The following MYO5A variants were observed in gnomAD, a reference collection of about 807,000 sequenced individuals.
MYO5A encodes the protein unconventional myosin-Va.
In MYO5A, 98 loss-of-function variants were observed where a neutral mutation model predicts 249.7. That is an observed-to-expected ratio of 0.39 (90% CI 0.33 to 0.46). The LOEUF is 0.46. Among genes scored for constraint, MYO5A ranks in the 20% least tolerant of loss-of-function variants. MYO5A has a pLI of 0.98. For missense variants in MYO5A, 1,696 were observed against 2,308.8 expected (o/e 0.73, Z 5.44); for synonymous variants, 778 against 810.6 (o/e 0.96, Z 0.68).
intron 1 of MYO5A, among the ~76,000 whole-genome samples, chr15:52,511,287 T>G (rs2077384696): frequency 6.6e-6 from 1 of 152,230 alleles, no homozygotes; most frequent in African/African-American, 2.4e-5. Context: ...AATTACGGAA[T>G]CTGCAAACCA....
chr15:52,323,253 G>C (rs2038418323), intron 37 of MYO5A, 102 bp downstream of exon 37: 23 of 977,374 alleles, frequency 2.4e-5, no homozygotes, highest in Middle Eastern at 2.2e-4. Flanking sequence ...TCTGAATTTG[G>C]GTTCCTAAAT....
At chr15:52,485,427 T>C (rs2076799999) in intron 1 of MYO5A, among the ~76,000 whole-genome samples, 1 of 152,176 alleles carries the variant, frequency 6.6e-6, no homozygotes, top group Non-Finnish European at 1.5e-5. Flanking sequence ...TCACATGAGT[T>C]AAGTAGCCTA....
At chr15:52,376,017 T>C (rs2141106695) in intron 19 of MYO5A, among the ~76,000 whole-genome samples, 1 of 152,364 alleles carries the variant, frequency 6.6e-6, no homozygotes, top group South Asian at 2.1e-4. Context: ...CTCCCAAAAA[T>C]TATACAATGA....
chr15:52,370,343 T>C lies in MYO5A; in HGVS notation c.2892A>G (p.Leu964=), dbSNP rs1429687495. Residue 964 remains leucine, a synonymous_variant, in exon 22 of 42, where the codon CTA becomes CTG. Coordinates refer to ENST00000399233, the MANE Select transcript of MYO5A (RefSeq NM_001382347.1). ...GTTGAAGACGTTCTAAGTCACTTCGTAGTTTCTCAGTCTCAGAGTTGTATA... is the reference window on the plus strand; with the variant it reads ...GTTGAAGACGTTCTAAGTCACTTCGCAGTTTCTCAGTCTCAGAGTTGTATA... ...EGIYNSETEK[L]RSDLERLQLS... 2 of 1,614,080 alleles carry C rather than the reference T, an allele frequency of 1.2e-6. No homozygotes were observed. The highest frequency in any genetic ancestry group is 1.7e-6 in the Non-Finnish European group (2 of 1,180,022).
Position 52,354,319 on chromosome 15 carries a change from C to T in MYO5A, c.3424-305G>A, listed in dbSNP as rs9920749. ...AGTAAAAGTAGGCCTTTGAAACGGG[C>T]AATTTTGCCGAACTTACTAAAATTT... On this transcript the variant is annotated intron_variant, in intron 25 of 41. Coordinates refer to ENST00000399233, the MANE Select transcript of MYO5A (RefSeq NM_001382347.1). Among the ~76,000 whole-genome samples, 8,029 of 152,182 alleles carry T rather than the reference C, an allele frequency of 0.053. 607 individuals are homozygous for T. The highest frequency in any genetic ancestry group is 0.17 in the African/African-American group (7,116 of 41,486).
Position 52,367,055 on chromosome 15 carries a change from C to T in MYO5A, c.3136G>A (p.Val1046Met), listed in dbSNP as rs56132571. Reference sequence around the variant, plus strand: ...CCTGTCATCTCCTTAGCCTGCTGCACGATGCGGTGATTGAGGGCTTCTTTT... The same window carrying T: ...CCTGTCATCTCCTTAGCCTGCTGCATGATGCGGTGATTGAGGGCTTCTTTT... Reference protein sequence around the residue: ...QEKEALNHRIVQQAKEMTETM... With the variant: ...QEKEALNHRIMQQAKEMTETM... The change falls in exon 23 of 42, where the codon GTG becomes ATG. Residue 1046 changes from valine (V) to methionine (M), a missense_variant. Physicochemically the swap from Val to Met is conservative, Grantham distance 21. Around this residue, in one of 5 missense-constraint regions of MYO5A, gnomAD observed 412 missense variants for 453.3 expected, o/e 0.91. Coordinates refer to ENST00000399233, the MANE Select transcript of MYO5A (RefSeq NM_001382347.1). The T allele has an allele frequency of 1.6e-3, 2,506 of 1,613,794 alleles. 2 individuals carry two copies. The highest frequency in any genetic ancestry group is 3.3e-3 in the Middle Eastern group (20 of 6,054).
intron 4 of MYO5A, among the ~76,000 whole-genome samples, chr15:52,420,149 G>C (rs1056896005): frequency 3.3e-5 from 5 of 151,900 alleles, no homozygotes; most frequent in Admixed American, 3.3e-4. Context: ...CTACAAGAAA[G>C]AAAAAATTAG....
chr15:52,392,096 T>C lies in MYO5A; in HGVS notation c.1402-26A>G, dbSNP rs769287784. ...CTGAAATGAAAAAGAAAAAAAGCAG[T>C]CATTACTGGATCATTGTAACAAAGA... is the stretch of plus-strand genomic sequence containing the variant. On this transcript the variant is annotated intron_variant, in intron 11 of 41. Transcript: ENST00000399233. The C allele has an allele frequency of 5.2e-5, 83 of 1,598,748 alleles. No homozygotes were observed. In the Middle Eastern group the frequency reaches 3.1e-3, roughly 59 times the overall value.
At chr15:52,421,704 T>A (rs1376325026) in intron 4 of MYO5A, among the ~76,000 whole-genome samples, 3 of 152,178 alleles carry the variant, frequency 2.0e-5, no homozygotes, top group Non-Finnish European at 2.9e-5. Context: ...TGTTTATGCA[T>A]TAGTTCCCAT....
intron 1 of MYO5A, among the ~76,000 whole-genome samples, chr15:52,436,632 A>G (rs1187983347): frequency 2.6e-5 from 4 of 152,184 alleles, no homozygotes; most frequent in Non-Finnish European, 5.9e-5. Flanking sequence ...CTCTTCCTTC[A>G]TTAGAACATA....
At chr15:52,335,446 G>A (rs1217122663) in intron 34 of MYO5A, among the ~76,000 whole-genome samples, 1 of 145,594 alleles carries the variant, frequency 6.9e-6, no homozygotes, top group African/African-American at 2.5e-5. Flanking sequence ...AACCCGGGAA[G>A]CAGAGGTTGC....
At position 52,318,131 on chromosome 15, in the gene MYO5A, C is replaced by T. The variant is rs1399307383; in HGVS notation, c.5235-909G>A. Reference sequence around the variant, plus strand: ...TTGATAGGAGAAATCATTTTTCCCTCCTCTTGGTGAATATTCTAGCTGTTT... The same window carrying T: ...TTGATAGGAGAAATCATTTTTCCCTTCTCTTGGTGAATATTCTAGCTGTTT... On this transcript the variant is annotated intron_variant, in intron 39 of 41. Transcript: ENST00000399233. 3.3e-5 allele frequency among the ~76,000 whole-genome samples: 5 copies of T among 152,150 alleles called. No homozygotes were observed. The Middle Eastern group carries it at 0.01, about 311-fold the overall frequency.
intron 30 of MYO5A, among the ~76,000 whole-genome samples, chr15:52,345,595 AAAAG>A (rs1245117154): frequency 6.6e-6 from 1 of 151,686 alleles, no homozygotes; most frequent in Non-Finnish European, 1.5e-5. Context: ...AAAAAAAAAA[AAAAG>A]AAAGATAAAG....
At chr15:52,520,957 C>T (rs892843311) in intron 1 of MYO5A, among the ~76,000 whole-genome samples, 3 of 152,086 alleles carry the variant, frequency 2.0e-5, no homozygotes, top group African/African-American at 7.2e-5. Flanking sequence ...GGGCTGGGCA[C>T]AGTGGTTCAC....
At chr15:52,449,618 C>T (rs1327131758) in intron 1 of MYO5A, among the ~76,000 whole-genome samples, 1 of 152,204 alleles carries the variant, frequency 6.6e-6, no homozygotes, top group Non-Finnish European at 1.5e-5. Context: ...ATTTCCTGTG[C>T]CAGCTCTACC....
At chr15:52,515,005 T>A (rs1434369948) in intron 1 of MYO5A, among the ~76,000 whole-genome samples, 1 of 152,146 alleles carries the variant, frequency 6.6e-6, no homozygotes, top group African/African-American at 2.4e-5. Flanking sequence ...AAGCTGAGTA[T>A]GGTGGCTCAC....
At chr15:52,501,674 T>A (rs191573847) in intron 1 of MYO5A, among the ~76,000 whole-genome samples, 136 of 152,198 alleles carry the variant, frequency 8.9e-4, no homozygotes, top group African/African-American at 3.1e-3. Context: ...AAAGAAAATA[T>A]TTGTTTTTTT....
chr15:52,460,656 T>TGTGAGG (rs1555456839), intron 1 of MYO5A, among the ~76,000 whole-genome samples: 1 of 151,578 alleles, frequency 6.6e-6, no homozygotes, highest in Non-Finnish European at 1.5e-5. Flanking sequence ...ACGAGGACCG[T>TGTGAGG]GCGAGGGCGA....
chr15:52,393,920 G>A (rs1164897532), intron 11 of MYO5A, among the ~76,000 whole-genome samples: 2 of 152,224 alleles, frequency 1.3e-5, no homozygotes, highest in South Asian at 2.1e-4. Context: ...TTTATATGTA[G>A]TCTCAATATT....
Sources: allele counts gnomAD v4.1 joint callset (sites outside exome capture counted in the v4.1 genomes callset), GRCh38; gene constraint gnomAD v4.1.1; regional missense constraint gnomAD v4.1.1; transcripts MANE v1.5; gene names NCBI Gene and HGNC (gene_info 2026-07-23, HGNC 2026-07-21).